ZNF804B: variants seen among roughly 807,000 people sequenced by gnomAD.
ZNF804B encodes the protein zinc finger 804B.
A neutral mutation model predicts 101.4 loss-of-function variants in ZNF804B; 80 were observed. The observed-to-expected ratio is 0.79, with a 90% CI of 0.66 to 0.95. ZNF804B has a LOEUF of 0.95. Among genes scored for constraint, ZNF804B ranks in the 40% least tolerant of loss-of-function variants. The pLI is 0.00. For synonymous variants in ZNF804B, 622 were observed against 558.8 expected (o/e 1.11, Z -1.59); for missense variants, 1,673 against 1,561.9 (o/e 1.07, Z -1.20).
At chr7:89,060,707 T>C (rs967191170) in intron 1 of ZNF804B, among the ~76,000 whole-genome samples, 1 of 152,146 alleles carries the variant, frequency 6.6e-6, no homozygotes, top group Non-Finnish European at 1.5e-5. Flanking sequence ...TACTGAGATA[T>C]ATATTGTACG....
chr7:88,883,990 A>G (rs1424192858), intron 1 of ZNF804B, among the ~76,000 whole-genome samples: 2 of 152,088 alleles, frequency 1.3e-5, no homozygotes, highest in African/African-American at 4.8e-5. Flanking sequence ...GAAAAAGAAA[A>G]TTGGATCTCA....
intron 1 of ZNF804B, among the ~76,000 whole-genome samples, chr7:88,866,861 G>C (rs1791734734): frequency 6.6e-6 from 1 of 152,138 alleles, no homozygotes; most frequent in African/African-American, 2.4e-5. Context: ...TTATGACTTA[G>C]TACCAAAATG....
chr7:88,920,793 C>G (rs898167464), intron 1 of ZNF804B, among the ~76,000 whole-genome samples: 9 of 152,064 alleles, frequency 5.9e-5, no homozygotes, highest in Admixed American at 5.9e-4. Context: ...CATATATTTA[C>G]TCAGCATTTC....
chr7:89,226,532 A>AT (rs1223175299), intron 2 of ZNF804B, among the ~76,000 whole-genome samples: 3 of 96,338 alleles, frequency 3.1e-5, no homozygotes, highest in East Asian at 2.1e-4. Flanking sequence ...ATTTAAAATT[A>AT]TTTAATAATA....
chr7:88,787,050 A>G (rs990801094), intron 1 of ZNF804B, among the ~76,000 whole-genome samples: 3 of 152,112 alleles, frequency 2.0e-5, no homozygotes, highest in African/African-American at 7.2e-5. Flanking sequence ...CACAGAGGAC[A>G]TAATTTGATT....
intron 1 of ZNF804B, among the ~76,000 whole-genome samples, chr7:88,786,083 A>G (rs79900674): frequency 0.016 from 2,421 of 152,252 alleles, 67 homozygotes; most frequent in African/African-American, 0.053. Context: ...TGCTTGGCAA[A>G]GTGCCTGACA....
At chr7:88,956,301 A>G (rs1220215804) in intron 1 of ZNF804B, among the ~76,000 whole-genome samples, 1 of 151,602 alleles carries the variant, frequency 6.6e-6, no homozygotes, top group Non-Finnish European at 1.5e-5. Flanking sequence ...TTATTGCACC[A>G]CTATTAACAA....
At chr7:89,232,576 T>C (rs921103499) in intron 2 of ZNF804B, among the ~76,000 whole-genome samples, 4 of 152,170 alleles carry the variant, frequency 2.6e-5, no homozygotes, top group Non-Finnish European at 4.4e-5. Context: ...TTGAGATCAT[T>C]CTATTTCTTC....
At chr7:89,193,672 A>C (rs1788497143) in intron 1 of ZNF804B, among the ~76,000 whole-genome samples, 1 of 152,046 alleles carries the variant, frequency 6.6e-6, no homozygotes, top group Non-Finnish European at 1.5e-5. Flanking sequence ...ATAGTATTCC[A>C]TGGTGTATAT....
chr7:88,878,528 A>G (rs1248061793), intron 1 of ZNF804B, among the ~76,000 whole-genome samples: 1 of 152,158 alleles, frequency 6.6e-6, no homozygotes, highest in Admixed American at 6.5e-5. Flanking sequence ...AGTAAACATA[A>G]GTAAAATGCT....
chr7:88,986,406 AC>A (rs1562851746), intron 1 of ZNF804B, among the ~76,000 whole-genome samples: 2 of 152,110 alleles, frequency 1.3e-5, no homozygotes, highest in African/African-American at 4.8e-5. Flanking sequence ...GAGAAGCAAA[AC>A]TGAATATCCT....
intron 1 of ZNF804B, among the ~76,000 whole-genome samples, chr7:89,195,794 C>T (rs1274374004): frequency 2.0e-5 from 3 of 151,772 alleles, no homozygotes; most frequent in Non-Finnish European, 4.4e-5. Flanking sequence ...AAAGAACTCC[C>T]ATTCACAATT....
At chr7:89,111,995 G>A (rs1286865507) in intron 1 of ZNF804B, among the ~76,000 whole-genome samples, 3 of 150,780 alleles carry the variant, frequency 2.0e-5, no homozygotes, top group Non-Finnish European at 4.4e-5. Flanking sequence ...TCCCACAGCT[G>A]TTTGGGAGGC....
intron 1 of ZNF804B, among the ~76,000 whole-genome samples, chr7:89,154,321 G>A (rs1305340194): frequency 6.6e-6 from 1 of 152,118 alleles, no homozygotes. Flanking sequence ...AGGACAGTTT[G>A]GAGTTTCCTC....
chr7:88,774,291 T>C (rs534236336), intron 1 of ZNF804B, among the ~76,000 whole-genome samples: 10 of 151,608 alleles, frequency 6.6e-5, no homozygotes, highest in Non-Finnish European at 1.5e-4. Flanking sequence ...CTGTTAATCC[T>C]CTTAGTTTGG....
At chr7:88,932,698 A>G (rs1158823674) in intron 1 of ZNF804B, among the ~76,000 whole-genome samples, 1 of 151,816 alleles carries the variant, frequency 6.6e-6, no homozygotes, top group African/African-American at 2.4e-5. Context: ...TAAATCAGGA[A>G]GAACTAGAGA....
chr7:89,333,642 A>G lies in ZNF804B; in HGVS notation c.660A>G (p.Ser220=), dbSNP rs544119286. The G allele has an allele frequency of 9.3e-6, 15 of 1,613,588 alleles. No homozygotes were observed. The highest frequency in any genetic ancestry group is 6.7e-5 in the East Asian group (3 of 44,854). The change falls in exon 4 of 4, where the codon TCA becomes TCG. Residue 220 remains serine, a synonymous_variant. Coordinates refer to ENST00000333190, the MANE Select transcript of ZNF804B (RefSeq NM_181646.5). ...LSNANHRTGV[S]FTFSKKVHLK... is the part of the protein sequence containing the mutation. ...ATGCAAATCACAGAACAGGAGTATC[A>G]TTTACTTTTTCCAAAAAAGTGCACC...
rs145237149 is a variant in ZNF804B at position 89,210,919 on chromosome 7, C to A, written c.109-7236C>A. 2.6e-3 allele frequency among the ~76,000 whole-genome samples: 403 copies of A among 152,340 alleles called. 1 individual carries two copies. Among genetic ancestry groups the A allele is most frequent in the African/African-American group, 8.6e-3 (359 of 41,584 alleles). ...GTTCTAGATCTTTGATGAATTACTA[C>A]ACTGTTTTCCACAATGGTTGCTAAT... On this transcript the variant is annotated intron_variant, in intron 1 of 3. Coordinates refer to ENST00000333190, the MANE Select transcript of ZNF804B (RefSeq NM_181646.5).
intron 1 of ZNF804B, among the ~76,000 whole-genome samples, chr7:88,778,014 A>G (rs1790170733): frequency 6.6e-6 from 1 of 152,180 alleles, no homozygotes; most frequent in Non-Finnish European, 1.5e-5. Context: ...TCCCACTGCT[A>G]CTGTAATGAA....
Sources: gnomAD v4.1 joint callset for allele counts (sites outside exome capture counted in the v4.1 genomes callset) on GRCh38, gnomAD v4.1.1 for gene constraint, MANE v1.5 for transcripts, NCBI Gene and HGNC (gene_info 2026-07-23, HGNC 2026-07-21) for gene names.